Variants in WDPCP observed in about 807,000 individuals in gnomAD.
WDPCP encodes WD repeat-containing and planar cell polarity effector protein fritz homolog.
In WDPCP, 71 loss-of-function variants were observed where a neutral mutation model predicts 93.1. The observed-to-expected ratio is 0.76, with a 90% CI of 0.63 to 0.93. The LOEUF (loss-of-function observed/expected upper bound fraction) is 0.93. Among genes scored for constraint, WDPCP ranks in the 40% least tolerant of loss-of-function variants. The pLI is 0.00. For missense variants in WDPCP, 844 were observed against 887.4 expected (o/e 0.95, Z 0.62); for synonymous variants, 315 against 315.0 (o/e 1.00, Z 0.00).
chr2:63,288,775 T>G (rs1249429031), intron 13 of WDPCP, among the ~76,000 whole-genome samples: 1 of 152,164 alleles, frequency 6.6e-6, no homozygotes, highest in Non-Finnish European at 1.5e-5. Context: ...AAATATCCAT[T>G]TCTTGATGCA....
upstream of WDPCP, chr2:63,589,022 A>G (rs1337924150): frequency 6.2e-7 from 1 of 1,614,050 alleles, no homozygotes; most frequent in African/African-American, 1.3e-5. Flanking sequence ...AGTTGTTGAA[A>G]TTGTCCCCGC....
At chr2:63,632,856 A>T (rs142045154) in intron 3 of WDPCP, among the ~76,000 whole-genome samples, 2 of 152,296 alleles carry the variant, frequency 1.3e-5, no homozygotes, top group African/African-American at 4.8e-5. Flanking sequence ...ATATGTATGG[A>T]TATATAGGAA....
intron 12 of WDPCP, among the ~76,000 whole-genome samples, chr2:63,328,397 G>A (rs1575153410): frequency 6.6e-6 from 1 of 152,224 alleles, no homozygotes; most frequent in South Asian, 2.1e-4. Flanking sequence ...TTTATGAGCT[G>A]TTAACACTTA....
chr2:63,522,451 G>GACACACACACAC (rs1342647114), intron 1 of WDPCP, among the ~76,000 whole-genome samples: 15 of 92,058 alleles, frequency 1.6e-4, no homozygotes, highest in East Asian at 8.1e-4. Context: ...CAGACAGACA[G>GACACACACACAC]ACAGACACAC....
At chr2:63,571,039 G>A (rs1411577384) in intron 1 of WDPCP, among the ~76,000 whole-genome samples, 1 of 151,540 alleles carries the variant, frequency 6.6e-6, no homozygotes, top group East Asian at 2.0e-4. Context: ...TGAACAGCTG[G>A]GACTACAGGT....
chr2:63,782,477 C>T (rs1433902831), intron 2 of WDPCP, among the ~76,000 whole-genome samples: 2 of 152,062 alleles, frequency 1.3e-5, no homozygotes, highest in Non-Finnish European at 2.9e-5. Context: ...AACAACTCAA[C>T]TAAAAACTGG....
At chr2:63,214,756 A>T (rs1677168278) in intron 14 of WDPCP, among the ~76,000 whole-genome samples, 1 of 152,200 alleles carries the variant, frequency 6.6e-6, no homozygotes, top group Non-Finnish European at 1.5e-5. Context: ...CCTTAAGCTG[A>T]TATGCAACAT....
At chr2:63,624,412 A>G (rs1384372207) in intron 3 of WDPCP, among the ~76,000 whole-genome samples, 1 of 152,166 alleles carries the variant, frequency 6.6e-6, no homozygotes, top group Non-Finnish European at 1.5e-5. Context: ...TGAAAAGATT[A>G]ACAAAATAGA....
At chr2:63,383,469 C>T (rs1692482576) in intron 10 of WDPCP, among the ~76,000 whole-genome samples, 1 of 152,132 alleles carries the variant, frequency 6.6e-6, no homozygotes, top group African/African-American at 2.4e-5. Context: ...AATCTGAGCA[C>T]TATGGAAGGC....
At chr2:63,616,612 A>G (rs981975260) in intron 3 of WDPCP, among the ~76,000 whole-genome samples, 1 of 152,252 alleles carries the variant, frequency 6.6e-6, no homozygotes, top group Admixed American at 6.5e-5. Flanking sequence ...ATTGCCAATA[A>G]TGTTGATTAG....
intron 2 of WDPCP, chr2:63,752,099 T>G: frequency 1.7e-6 from 1 of 605,540 alleles, no homozygotes; most frequent in East Asian, 3.1e-5. Flanking sequence ...GGCAGGGCTT[T>G]CCTAACTTCA....
chr2:63,536,345 C>A (rs555277682), intron 1 of WDPCP, among the ~76,000 whole-genome samples: 25 of 150,006 alleles, frequency 1.7e-4, no homozygotes, highest in Admixed American at 1.6e-3. Flanking sequence ...TTTGACCCAG[C>A]CATCCCATTA....
intron 17 of WDPCP, among the ~76,000 whole-genome samples, chr2:63,132,818 C>A (rs1212873322): frequency 6.6e-6 from 1 of 151,938 alleles, no homozygotes; most frequent in Non-Finnish European, 1.5e-5. Context: ...GTTTGAAAAT[C>A]TTTTTCTAGT....
At chr2:63,215,482 G>C (rs1677243029) in intron 14 of WDPCP, among the ~76,000 whole-genome samples, 1 of 152,172 alleles carries the variant, frequency 6.6e-6, no homozygotes, top group African/African-American at 2.4e-5. Flanking sequence ...TTAATAAATG[G>C]TGCTGGGAAA....
At chr2:63,831,161 T>C (rs751112240), upstream of WDPCP, among the ~76,000 whole-genome samples, 10 of 152,198 alleles carry the variant, frequency 6.6e-5, no homozygotes, top group Admixed American at 1.3e-4. Flanking sequence ...TATTTCCACT[T>C]TCAAAATATA....
At position 63,332,794 on chromosome 2, in the gene WDPCP, A is replaced by T. The variant is rs888323613; in HGVS notation, c.1749-19483T>A. ...ATTTTTTCCTTATTTGATTTTGTAGAGACAGGGTCTCACTGTGCTGCCCAG... is the reference window on the plus strand; with the variant it reads ...ATTTTTTCCTTATTTGATTTTGTAGTGACAGGGTCTCACTGTGCTGCCCAG... On this transcript the variant is annotated intron_variant, in intron 12 of 17. Transcript: ENST00000272321. Among the ~76,000 whole-genome samples the T allele has an allele frequency of 2.6e-5, 4 of 152,084 alleles. No individual in the cohort carries two copies. In the East Asian group the frequency reaches 7.7e-4, roughly 29 times the overall value.
chr2:63,562,617 C>T (rs191124520), intron 1 of WDPCP, among the ~76,000 whole-genome samples: 1 of 152,200 alleles, frequency 6.6e-6, no homozygotes, highest in African/African-American at 2.4e-5. Flanking sequence ...TAAATTATTA[C>T]TATGAGAATT....
intron 1 of WDPCP, among the ~76,000 whole-genome samples, chr2:63,558,688 T>C (rs1438506914): frequency 6.6e-6 from 1 of 151,906 alleles, no homozygotes; most frequent in Non-Finnish European, 1.5e-5. Flanking sequence ...CTAGAAGAAA[T>C]GAATAAATTC....
chr2:63,641,310 T>C (rs1204084202), intron 3 of WDPCP, among the ~76,000 whole-genome samples: 1 of 152,182 alleles, frequency 6.6e-6, no homozygotes, highest in African/African-American at 2.4e-5. Context: ...AATATGCTGA[T>C]TTCCTTTCTT....
Sources: allele counts gnomAD v4.1 joint callset (sites outside exome capture counted in the v4.1 genomes callset), GRCh38; gene constraint gnomAD v4.1.1; transcripts MANE v1.5; gene names NCBI Gene and HGNC (gene_info 2026-07-23, HGNC 2026-07-21).